Variants in MTA3 observed in about 807,000 individuals in gnomAD.
MTA3 encodes metastasis-associated protein MTA3.
MTA3 carries 34 observed loss-of-function variants against 83.5 expected under a neutral mutation model. The observed-to-expected ratio is 0.41, with a 90% confidence interval of 0.31 to 0.54. The LOEUF (loss-of-function observed/expected upper bound fraction) is 0.54, where lower values mean the gene tolerates loss of function less well. MTA3 is among the 20% of genes least tolerant of loss of function. The pLI is 0.33. For missense variants in MTA3, 761 were observed against 726.4 expected (o/e 1.05, Z -0.55); for synonymous variants, 303 against 252.7 (o/e 1.20, Z -1.89).
chr2:42,749,948 T>G (rs1669746208), intron 16 of MTA3, among the ~76,000 whole-genome samples: 1 of 152,172 alleles, frequency 6.6e-6, no homozygotes, highest in Non-Finnish European at 1.5e-5. Context: ...TACTGTATTT[T>G]TTCTTCCCTG....
chr2:42,618,379 T>C (rs973024231), intron 4 of MTA3, among the ~76,000 whole-genome samples: 23 of 152,210 alleles, frequency 1.5e-4, no homozygotes, highest in Admixed American at 6.5e-5. Flanking sequence ...CTTCAAGAAT[T>C]CTGTCAATTT....
chr2:42,576,131 A>G (rs1384783640), intron 2 of MTA3, among the ~76,000 whole-genome samples: 7 of 152,250 alleles, frequency 4.6e-5, no homozygotes. Context: ...CAGAGATAGA[A>G]TGTGAACAAG....
intron 3 of MTA3, among the ~76,000 whole-genome samples, chr2:42,596,473 G>T (rs1681800799): frequency 6.6e-6 from 1 of 152,118 alleles, no homozygotes; most frequent in South Asian, 2.1e-4. Flanking sequence ...GGCAGTTATG[G>T]CAAGTTTGTG....
In MTA3 at chr2:42,570,430, A is replaced by T; in HGVS notation, c.29-7A>T. The T allele has an allele frequency of 6.6e-7, 1 of 1,507,988 alleles. No individual in the cohort carries two copies. Among genetic ancestry groups the T allele is most frequent in the Non-Finnish European group, 9.0e-7 (1 of 1,111,418 alleles). The allele number at this position is 1,507,988 out of a possible 1,614,324, so 93.4% of individuals were successfully genotyped here. A position where few individuals can be genotyped will look rare whatever the true frequency, so the allele number is the denominator to read the frequency against. On this transcript the variant is annotated splice_region_variant and splice_polypyrimidine_tract_variant and intron_variant, in intron 1 of 16. Coordinates refer to ENST00000405094, the MANE Select transcript of MTA3 (RefSeq NM_001330442.2). ...AAGATTAAGTTCTGTACTTCCTTTA[A>T]TTACAGATTATGTCTACTTTGAGAA...
At chr2:42,710,695 C>G (rs942176144) in intron 14 of MTA3, among the ~76,000 whole-genome samples, 1 of 152,076 alleles carries the variant, frequency 6.6e-6, no homozygotes, top group African/African-American at 2.4e-5. Context: ...CATGGACTTA[C>G]GTTACCACTT....
intron 2 of MTA3, 92 bp from the exon 3 acceptor site, chr2:42,579,015 G>T: frequency 1.3e-6 from 1 of 798,866 alleles, no homozygotes; most frequent in South Asian, 2.0e-5. Flanking sequence ...TAATGAGCAT[G>T]ATCATATAAT....
intron 8 of MTA3, among the ~76,000 whole-genome samples, chr2:42,679,836 TG>T (rs1691708664): frequency 6.8e-6 from 1 of 147,248 alleles, no homozygotes; most frequent in South Asian, 2.1e-4. Flanking sequence ...GATGGCTGTG[TG>T]TTGTTTTTTT....
chr2:42,641,125 T>C (rs1687655276), intron 5 of MTA3, among the ~76,000 whole-genome samples: 1 of 152,014 alleles, frequency 6.6e-6, no homozygotes, highest in African/African-American at 2.4e-5. Flanking sequence ...TAGGCTGGTC[T>C]TCAACTCCTG....
chr2:42,658,624 C>T (rs1689392085), intron 7 of MTA3, among the ~76,000 whole-genome samples: 3 of 152,050 alleles, frequency 2.0e-5, no homozygotes, highest in Non-Finnish European at 2.9e-5. Flanking sequence ...GGTGGTGGTT[C>T]CCTGTGGAAA....
intron 16 of MTA3, among the ~76,000 whole-genome samples, chr2:42,732,426 GAC>G (rs781133604): frequency 1.3e-5 from 2 of 152,192 alleles, no homozygotes; most frequent in Non-Finnish European, 2.9e-5. Flanking sequence ...GAGCAGCTGA[GAC>G]ACAGGGTACC....
intron 9 of MTA3, among the ~76,000 whole-genome samples, chr2:42,692,986 C>G (rs1021954848): frequency 1.3e-5 from 2 of 152,236 alleles, no homozygotes; most frequent in Non-Finnish European, 2.9e-5. Context: ...TTTGCAGACT[C>G]AAAGTACTCC....
chr2:42,607,606 A>G (rs7563635), intron 3 of MTA3, among the ~76,000 whole-genome samples: 28,683 of 152,042 alleles, frequency 0.19, 2,752 homozygotes, highest in South Asian at 0.29. Context: ...AGCCTCCCAA[A>G]GTGCTGGAAT....
intron 3 of MTA3, among the ~76,000 whole-genome samples, chr2:42,593,892 A>C (rs965753332): frequency 3.9e-5 from 6 of 152,000 alleles, no homozygotes; most frequent in Non-Finnish European, 7.4e-5. Flanking sequence ...CTTCCAATTT[A>C]CACCTACCAG....
At chr2:42,668,764 A>T (rs977973266) in intron 8 of MTA3, among the ~76,000 whole-genome samples, 2 of 152,206 alleles carry the variant, frequency 1.3e-5, no homozygotes, top group African/African-American at 4.8e-5. Flanking sequence ...TATAATTGTT[A>T]CAAGAAGTCA....
chr2:42,657,930 G>A (rs1454638284), intron 7 of MTA3, among the ~76,000 whole-genome samples: 1 of 151,694 alleles, frequency 6.6e-6, no homozygotes, highest in Non-Finnish European at 1.5e-5. Context: ...AAATTAGCTG[G>A]GCATGATGGT....
At chr2:42,580,426 C>A (rs1015932338) in intron 3 of MTA3, among the ~76,000 whole-genome samples, 1 of 151,914 alleles carries the variant, frequency 6.6e-6, no homozygotes, top group Non-Finnish European at 1.5e-5. Flanking sequence ...GACTGGAGTG[C>A]AGTGGTGCCA....
At chr2:42,707,112 TCA>T in intron 12 of MTA3, among the ~76,000 whole-genome samples, 1 of 151,326 alleles carries the variant, frequency 6.6e-6, no homozygotes, top group South Asian at 2.1e-4. Context: ...CTACAGGGGT[TCA>T]CCACCACACC....
chr2:42,594,491 G>T (rs1437124191), intron 3 of MTA3, among the ~76,000 whole-genome samples: 2 of 150,390 alleles, frequency 1.3e-5, no homozygotes, highest in African/African-American at 4.9e-5. Flanking sequence ...ACCCAACTCG[G>T]ACTCCCAAAG....
intron 2 of MTA3, among the ~76,000 whole-genome samples, chr2:42,537,664 C>T (rs1324500024): frequency 1.3e-5 from 2 of 152,062 alleles, no homozygotes; most frequent in Admixed American, 6.6e-5. Flanking sequence ...GGCTGAGGAG[C>T]TATGACAACG....
Sources: gnomAD v4.1 joint callset for allele counts (sites outside exome capture counted in the v4.1 genomes callset) on GRCh38, gnomAD v4.1.1 for gene constraint, MANE v1.5 for transcripts, NCBI Gene and HGNC (gene_info 2026-07-23, HGNC 2026-07-21) for gene names.